Variants in KRABD4 observed in about 807,000 individuals in gnomAD.
KRABD4 encodes KRAB domain-containing protein 4.
the KRABD4 span, chrX:46,473,654 T>TA: frequency 1.8e-5 from 3 of 165,235 alleles, no homozygotes; most frequent in Non-Finnish European, 2.9e-5. Context: ...AATCAGTGAA[T>TA]CTTTTTTTTT....
chrX:46,463,267 G>C, the KRABD4 span: 2 of 1,212,091 alleles, frequency 1.7e-6, no homozygotes, highest in Non-Finnish European at 2.2e-6. Flanking sequence ...ATGGCAGATG[G>C]GGGGACCCCG....
At chrX:46,474,567 T>C in the KRABD4 span, 3 of 111,990 alleles carry the variant, frequency 2.7e-5, no homozygotes, top group African/African-American at 6.5e-5. Context: ...CTCTCAGATA[T>C]CATTTCGCCT....
chrX:46,461,237 A>T, the KRABD4 span, among the ~76,000 whole-genome samples: 3,700 of 110,625 alleles, frequency 0.033, 131 homozygotes, highest in African/African-American at 0.1. Context: ...CTCAGTGATA[A>T]GTAACTGGGC....
chrX:46,459,800 T>C, the KRABD4 span, among the ~76,000 whole-genome samples: 15 of 112,052 alleles, frequency 1.3e-4, no homozygotes, highest in Non-Finnish European at 2.3e-4. Context: ...CTGTCTCCTC[T>C]CACTTGACAC....
the KRABD4 span, among the ~76,000 whole-genome samples, chrX:46,468,060 C>A: frequency 9.0e-6 from 1 of 111,241 alleles, no homozygotes; most frequent in African/African-American, 3.3e-5. Flanking sequence ...AATTTTAGTT[C>A]TTATATTTAT....
the KRABD4 span, chrX:46,456,333 AATT>A: frequency 1.9e-5 from 2 of 105,535 alleles, no homozygotes; most frequent in East Asian, 2.9e-4. Flanking sequence ...ATAATTTATT[AATT>A]ATTATAAATT....
the KRABD4 span, among the ~76,000 whole-genome samples, chrX:46,468,293 G>A: frequency 5.4e-5 from 6 of 111,153 alleles, no homozygotes; most frequent in Non-Finnish European, 9.4e-5. Context: ...CCAGCACTTT[G>A]GGAGGCTGAG....
the KRABD4 span, chrX:46,462,452 A>G: frequency 3.2e-5 from 9 of 277,251 alleles, no homozygotes; most frequent in African/African-American, 1.4e-4. Context: ...AGAGGTTGCA[A>G]TGAGCCAAGA....
the KRABD4 span, among the ~76,000 whole-genome samples, chrX:46,453,926 C>T: frequency 5.1e-3 from 572 of 111,922 alleles, 5 homozygotes; most frequent in East Asian, 0.018. Context: ...GAAAGATCTG[C>T]CATTTACAGG....
chrX:46,449,656 A>C, the KRABD4 span, among the ~76,000 whole-genome samples: 1 of 112,674 alleles, frequency 8.9e-6, no homozygotes, highest in Non-Finnish European at 1.9e-5. Flanking sequence ...TAGGAACTAA[A>C]AACAAATTCC....
the KRABD4 span, among the ~76,000 whole-genome samples, chrX:46,450,849 C>T: frequency 9.1e-6 from 1 of 109,386 alleles, no homozygotes; most frequent in Non-Finnish European, 1.9e-5. Flanking sequence ...ATTACAGGTG[C>T]CTGCCACCAC....
chrX:46,448,002 T>C, the KRABD4 span, among the ~76,000 whole-genome samples: 1 of 111,462 alleles, frequency 9.0e-6, no homozygotes, highest in Non-Finnish European at 1.9e-5. Context: ...GTCAGTTGAT[T>C]CCAAAGCCCG....
At chrX:46,451,599 G>A in the KRABD4 span, among the ~76,000 whole-genome samples, 5,772 of 110,853 alleles carry the variant, frequency 0.052, 395 homozygotes, top group African/African-American at 0.18. Flanking sequence ...CCTGGAAGTC[G>A]GGTTTTGACT....
chrX:46,451,759 C>T, the KRABD4 span, among the ~76,000 whole-genome samples: 1 of 111,810 alleles, frequency 8.9e-6, no homozygotes, highest in Non-Finnish European at 1.9e-5. Flanking sequence ...GCCACTTAAC[C>T]TGAAATTTGA....
chrX:46,460,283 G>A, the KRABD4 span, among the ~76,000 whole-genome samples: 1 of 110,846 alleles, frequency 9.0e-6, no homozygotes, highest in African/African-American at 3.3e-5. Flanking sequence ...CGGGTGTGGT[G>A]GTGCATGCCT....
chrX:46,471,869 A>G, the KRABD4 span, among the ~76,000 whole-genome samples: 3 of 112,441 alleles, frequency 2.7e-5, no homozygotes, highest in East Asian at 8.3e-4. Flanking sequence ...TCACCTATTG[A>G]AGGACATCTT....
chrX:46,456,800 G>C, the KRABD4 span: 1 of 390,628 alleles, frequency 2.6e-6, no homozygotes, highest in Non-Finnish European at 4.1e-6. Context: ...GTAGCTCAGT[G>C]AGCTCCACAT....
the KRABD4 span, among the ~76,000 whole-genome samples, chrX:46,471,456 G>A: frequency 9.9e-3 from 998 of 100,466 alleles, 14 homozygotes; most frequent in African/African-American, 0.034. Context: ...AGTATGGTAC[G>A]TGTGTTACAA....
chrX:46,457,034 A>AT, the KRABD4 span: 3 of 329,719 alleles, frequency 9.1e-6, no homozygotes, highest in Non-Finnish European at 1.6e-5. Flanking sequence ...TATCCCAGGT[A>AT]TTTTGGTAGG....
Sources: gnomAD v4.1 joint callset for allele counts (sites outside exome capture counted in the v4.1 genomes callset) on GRCh38, gnomAD v4.1.1 for gene constraint, MANE v1.5 for transcripts, NCBI Gene and HGNC (gene_info 2026-07-23, HGNC 2026-07-21) for gene names.